The following MTMR9 variants were observed in gnomAD, a reference collection of about 807,000 sequenced individuals.
The protein encoded by MTMR9 is myotubularin related protein 9.
In MTMR9, 39 loss-of-function variants were observed where a neutral mutation model predicts 69.5. The ratio of observed to expected loss-of-function variants is 0.56; its 90% CI spans 0.43 to 0.73. The LOEUF is 0.73. Ranked by LOEUF, MTMR9 falls within the 30% of genes least tolerant of loss-of-function variation. MTMR9 has a pLI of 0.00. For missense variants in MTMR9, 900 were observed against 671.2 expected (o/e 1.34, Z -3.77); for synonymous variants, 354 against 240.8 (o/e 1.47, Z -4.35).
intron 5 of MTMR9, among the ~76,000 whole-genome samples, chr8:11,307,082 A>T (rs1354558427): frequency 1.3e-5 from 2 of 151,642 alleles, no homozygotes; most frequent in Non-Finnish European, 2.9e-5. Context: ...TTTTTATTTT[A>T]TTTTTTTGGG....
At chr8:11,307,273 T>C (rs1260420191) in intron 5 of MTMR9, among the ~76,000 whole-genome samples, 1 of 152,184 alleles carries the variant, frequency 6.6e-6, no homozygotes, top group Non-Finnish European at 1.5e-5. Context: ...GGTTTTGCCA[T>C]GTTGGTCAGG....
At chr8:11,299,978 G>C (rs760676124) in intron 2 of MTMR9, 45 bp from the exon 3 acceptor site, 2 of 1,594,108 alleles carry the variant, frequency 1.3e-6, no homozygotes, top group African/African-American at 2.7e-5. Context: ...TATGTTTCCA[G>C]TTGTGGATGT....
intron 8 of MTMR9, 168 bp downstream of exon 8, chr8:11,317,061 T>A (rs556555038): frequency 2.1e-6 from 1 of 471,138 alleles, no homozygotes; most frequent in East Asian, 3.3e-5. Flanking sequence ...TATATTCTTT[T>A]ATGAGAGCAT....
intron 6 of MTMR9, among the ~76,000 whole-genome samples, 195 bp downstream of exon 6, chr8:11,309,883 T>C (rs1585125282): frequency 6.6e-6 from 1 of 152,220 alleles, no homozygotes. Context: ...TTCATAAATA[T>C]GAACCAGGTA....
rs145119393 is a variant in MTMR9, at chr8:11,304,696, T to C, written c.418-145T>C. 1,732 of 755,490 alleles carry C rather than the reference T, an allele frequency of 2.3e-3. 22 individuals carry two copies. In the African/African-American group the frequency reaches 0.027, roughly 12 times the overall value. The allele number at this position is 755,490 out of a possible 1,614,324, so 46.8% of individuals were successfully genotyped here. ...CTCCTTTTCTCTGCAGCTACTTACA[T>C]ATAAGCTAGAGATCCACCTGTGAAA... On this transcript the variant is annotated intron_variant, in intron 3 of 9. Coordinates refer to ENST00000221086, the MANE Select transcript of MTMR9 (RefSeq NM_015458.4).
chr8:11,314,867 T>G (rs1187609007), intron 6 of MTMR9, 56 bp from the exon 7 acceptor site: 1 of 1,567,300 alleles, frequency 6.4e-7, no homozygotes, highest in African/African-American at 1.4e-5. Flanking sequence ...ATTAACAGAG[T>G]TCATTGACCA....
chr8:11,286,620 C>T (rs532440736), intron 1 of MTMR9, among the ~76,000 whole-genome samples: 35 of 137,318 alleles, frequency 2.5e-4, no homozygotes, highest in Middle Eastern at 4.5e-3. Flanking sequence ...GAGCCGAGAT[C>T]GGGCCACTGC....
intron 2 of MTMR9, among the ~76,000 whole-genome samples, chr8:11,298,592 C>G (rs1340100395): frequency 6.6e-6 from 1 of 152,028 alleles, no homozygotes; most frequent in Non-Finnish European, 1.5e-5. Context: ...TGATCTTCCT[C>G]TGACCTGGAG....
chr8:11,285,450 C>T, intron 1 of MTMR9: 1 of 169,124 alleles, frequency 5.9e-6, no homozygotes, highest in Non-Finnish European at 1.3e-5. Context: ...TAGGTAAAGT[C>T]TTTACCATTT....
In MTMR9 at chr8:11,325,249, A is replaced by G. The variant is rs1029157727; in HGVS notation, c.*2461A>G. ...AGTTTTCCCAAATCCAAAAACGGTC[A>G]GAAATAAGTCCATTATCAATATAAT... On this transcript the variant is annotated 3_prime_UTR_variant, in exon 10 of 10. Transcript: ENST00000221086. The G allele has an allele frequency of 2.0e-5, 3 of 152,236 alleles. No homozygotes were observed. The highest frequency in any genetic ancestry group is 7.2e-5 in the African/African-American group (3 of 41,466). The allele number at this position is 152,236 out of a possible 1,614,324, so 9.4% of individuals were successfully genotyped here.
At chr8:11,329,955 T>G (rs1278568891), downstream of MTMR9, among the ~76,000 whole-genome samples, 1 of 150,462 alleles carries the variant, frequency 6.6e-6, no homozygotes, top group Non-Finnish European at 1.5e-5. Context: ...GAGAAGCGTC[T>G]CTGCCCGGCC....
Position 11,316,655 on chromosome 8 carries a change from C to T in MTMR9, c.1114-18C>T. The T allele has an allele frequency of 1.9e-6, 3 of 1,553,644 alleles. No homozygotes were observed. The highest frequency in any genetic ancestry group is 1.7e-6 in the Non-Finnish European group (2 of 1,147,738). On this transcript the variant is annotated intron_variant, in intron 7 of 9. Coordinates refer to ENST00000221086, the MANE Select transcript of MTMR9 (RefSeq NM_015458.4). ...ATCTCACCAGGATATGACTGTCACG[C>T]CTCCATCTTCCCCCTAGGCTGGTCA...
Position 11,323,965 on chromosome 8 carries a change from C to T in MTMR9, c.*1177C>T, listed in dbSNP as rs1214584193. ...AACAGTGATGACTATTCATGCTCTG[C>T]TAGTCTATGCCTGCAACTCCAAATG... On this transcript the variant is annotated 3_prime_UTR_variant, in exon 10 of 10. Transcript: ENST00000221086. The T allele has an allele frequency of 6.6e-6, 1 of 152,172 alleles. No individual in the cohort carries two copies. The highest frequency in any genetic ancestry group is 1.5e-5 in the Non-Finnish European group (1 of 68,032). The allele number at this position is 152,172 out of a possible 1,614,324, so 9.4% of individuals were successfully genotyped here. A position where few individuals can be genotyped will look rare whatever the true frequency, so the allele number is the denominator to read the frequency against.
intron 3 of MTMR9, among the ~76,000 whole-genome samples, chr8:11,302,865 A>G (rs1301958121): frequency 6.6e-6 from 1 of 152,180 alleles, no homozygotes; most frequent in Non-Finnish European, 1.5e-5. Context: ...AGATGCAGTT[A>G]AAATGCAACA....
rs140874657 is a variant in MTMR9, at chr8:11,319,555, CT to C, written c.1335-129del. The C allele has an allele frequency of 2.5e-3, 2,288 of 903,188 alleles. 32 individuals carry two copies. In the African/African-American group the frequency reaches 0.033, roughly 13 times the overall value. The allele number at this position is 903,188 out of a possible 1,614,324, so 55.9% of individuals were successfully genotyped here. ...TGACAAATCTATTGATTTTTCAACA[CT>C]TTGTTTCTCTACCAAAAGTCTTGTA... is the stretch of plus-strand genomic sequence containing the variant. On this transcript the variant is annotated intron_variant, in intron 8 of 9. Transcript: ENST00000221086.
downstream of MTMR9, chr8:11,332,250 T>C: frequency 7.2e-7 from 1 of 1,386,218 alleles, no homozygotes. Context: ...AAGTCTAACT[T>C]CCATAGCACA....
chr8:11,321,045 G>A (rs1830877049), intron 9 of MTMR9: 1 of 161,000 alleles, frequency 6.2e-6, no homozygotes, highest in South Asian at 1.8e-4. Flanking sequence ...TGGCTTCTGA[G>A]TCTGAGACCA....
chr8:11,288,169 ATT>A (rs201330399), intron 1 of MTMR9, among the ~76,000 whole-genome samples: 2,940 of 135,624 alleles, frequency 0.022, 117 homozygotes, highest in African/African-American at 0.073. Flanking sequence ...GTGAATAATT[ATT>A]TATTCACCTA....
intron 1 of MTMR9, among the ~76,000 whole-genome samples, chr8:11,289,698 G>A (rs1162750407): frequency 6.6e-6 from 1 of 152,084 alleles, no homozygotes; most frequent in African/African-American, 2.4e-5. Context: ...ATGGGTGTGC[G>A]CACACATGCA....
Sources: allele counts gnomAD v4.1 joint callset (sites outside exome capture counted in the v4.1 genomes callset), GRCh38; gene constraint gnomAD v4.1.1; transcripts MANE v1.5; gene names NCBI Gene and HGNC (gene_info 2026-07-23, HGNC 2026-07-21).